The following BLACAT1 variants were observed in gnomAD, a reference collection of about 807,000 sequenced individuals.
BLACAT1 encodes BLACAT1 overlapping LEMD1 locus, also known as bladder cancer associated transcript 1.
chr1:205,453,426 C>A (rs953906437), intron 1 of BLACAT1, among the ~76,000 whole-genome samples: 1 of 152,166 alleles, frequency 6.6e-6, no homozygotes, highest in Non-Finnish European at 1.5e-5. Context: ...AGCTTGGGAG[C>A]CCCCAGCCCC....
rs1666434869 is a variant in BLACAT1 at position 205,448,155 on chromosome 1, G to A, written c.-36-7093C>T. The A allele has an allele frequency of 1.1e-5, 4 of 363,550 alleles. No homozygotes were observed. Among genetic ancestry groups the A allele is most frequent in the South Asian group, 7.0e-5 (3 of 42,566 alleles). 22.5% of individuals were successfully genotyped at this position (363,550 alleles called of 1,614,324 possible). A position where few individuals can be genotyped will look rare whatever the true frequency, so the allele number is the denominator to read the frequency against. ...GTGAGGAAACAGGGCCAGAAGGGAAGTGACTGGGCCAAGGTCACACGGCTT... is the reference window on the plus strand; with the variant it reads ...GTGAGGAAACAGGGCCAGAAGGGAAATGACTGGGCCAAGGTCACACGGCTT... On this transcript the variant is annotated intron_variant, in intron 1 of 1. Transcript: ENST00000629624. This position sits in a 1 kb window ranked among gnomAD's most constrained non-coding sequence, Gnocchi z 4.7.
chr1:205,445,229 C>A (rs990892773), intron 1 of BLACAT1, among the ~76,000 whole-genome samples: 5 of 152,188 alleles, frequency 3.3e-5, no homozygotes, highest in Non-Finnish European at 7.3e-5. Context: ...CCTCCTTCCC[C>A]ACCCCTTCCC....
chr1:205,447,811 G>A (rs376931389), intron 1 of BLACAT1, among the ~76,000 whole-genome samples: 2 of 152,106 alleles, frequency 1.3e-5, no homozygotes, highest in African/African-American at 2.4e-5. Context: ...CCTCGTGGCC[G>A]GCATGGAGTG....
chr1:205,438,068 G>A (rs1400809926), downstream of BLACAT1, among the ~76,000 whole-genome samples: 1 of 152,230 alleles, frequency 6.6e-6, no homozygotes, highest in Non-Finnish European at 1.5e-5. Context: ...CTTGGGTCCT[G>A]TGGGCCAGGG....
At chr1:205,447,229 T>C (rs147250254) in intron 1 of BLACAT1, among the ~76,000 whole-genome samples, 186 of 152,332 alleles carry the variant, frequency 1.2e-3, no homozygotes, top group African/African-American at 4.3e-3. Flanking sequence ...CTTAGCTCCC[T>C]GTGCCTCAGA....
chr1:205,436,566 T>C (rs1318718865), downstream of BLACAT1: 1 of 152,070 alleles, frequency 6.6e-6, no homozygotes, highest in African/African-American at 2.4e-5. Flanking sequence ...TTGTCAGCAA[T>C]ATGGACTTGG....
At chr1:205,451,100 G>A (rs1666491961) in intron 1 of BLACAT1, among the ~76,000 whole-genome samples, 1 of 152,146 alleles carries the variant, frequency 6.6e-6, no homozygotes, top group African/African-American at 2.4e-5. Context: ...GTGTATAAGG[G>A]CCACCTCACA....
chr1:205,455,065 C>A (rs1666546526), intron 1 of BLACAT1, among the ~76,000 whole-genome samples: 1 of 152,104 alleles, frequency 6.6e-6, no homozygotes, highest in South Asian at 2.1e-4. Context: ...AGCTCTTGTT[C>A]CCCGGGGGCA....
chr1:205,444,587 T>C (rs921555554), intron 1 of BLACAT1, among the ~76,000 whole-genome samples: 5 of 151,888 alleles, frequency 3.3e-5, no homozygotes, highest in African/African-American at 1.2e-4. Flanking sequence ...AGCATGAACA[T>C]GTGGAAGAAC....
chr1:205,440,945 C>G (rs1666283770), exon 2 of BLACAT1: 1 of 152,422 alleles, frequency 6.6e-6, no homozygotes, highest in African/African-American at 2.4e-5. Flanking sequence ...GTCTCCCGCT[C>G]TCTGTGAACT....
intron 1 of BLACAT1, among the ~76,000 whole-genome samples, chr1:205,453,963 T>C (rs1362959950): frequency 6.6e-6 from 1 of 152,200 alleles, no homozygotes; most frequent in African/African-American, 2.4e-5. Flanking sequence ...CCCCACCCCT[T>C]TTCTTCCATG....
At chr1:205,452,342 G>A (rs1666508750) in intron 1 of BLACAT1, among the ~76,000 whole-genome samples, 1 of 152,166 alleles carries the variant, frequency 6.6e-6, no homozygotes, top group Non-Finnish European at 1.5e-5. Flanking sequence ...AAGCCAGGAG[G>A]AGAACTCCTT....
At chr1:205,449,140 A>T (rs1666452547) in intron 1 of BLACAT1, among the ~76,000 whole-genome samples, 1 of 152,154 alleles carries the variant, frequency 6.6e-6, no homozygotes, top group Admixed American at 6.5e-5. Flanking sequence ...AGGGGTGCGC[A>T]GTGCCCTGCC....
intron 1 of BLACAT1, among the ~76,000 whole-genome samples, chr1:205,443,762 C>T (rs1666336493): frequency 6.6e-6 from 1 of 152,226 alleles, no homozygotes; most frequent in Admixed American, 6.5e-5. Flanking sequence ...TGGGCTCTGT[C>T]TGCAGCATGC....
intron 1 of BLACAT1, among the ~76,000 whole-genome samples, chr1:205,444,899 C>G (rs1383383116): frequency 6.6e-6 from 1 of 151,706 alleles, no homozygotes; most frequent in Admixed American, 6.6e-5. Flanking sequence ...CGCCACCCCC[C>G]ACCCCAGGTA....
intron 1 of BLACAT1, among the ~76,000 whole-genome samples, chr1:205,451,882 C>T (rs1255958207): frequency 6.6e-6 from 1 of 151,992 alleles, no homozygotes; most frequent in Non-Finnish European, 1.5e-5. Context: ...CTACAACTTG[C>T]CTGGATGGGC....
chr1:205,444,980 C>T (rs1460075123), intron 1 of BLACAT1, among the ~76,000 whole-genome samples: 6 of 151,964 alleles, frequency 3.9e-5, no homozygotes, highest in Admixed American at 2.0e-4. Flanking sequence ...CTGAGCCCTC[C>T]GCCCCCTCCC....
In BLACAT1 at chr1:205,448,504, C is replaced by A; in HGVS notation, c.-37+7413G>T. ...CCCGACCCCAGACCCACCCACACTG[C>A]CTCCCTCCAGGACTGGGCCCCCCAG... is the stretch of plus-strand genomic sequence containing the variant. On this transcript the variant is annotated intron_variant, in intron 1 of 1. Transcript: ENST00000629624. This position sits in a 1 kb window ranked among gnomAD's most constrained non-coding sequence, Gnocchi z 4.7. The A allele has an allele frequency of 2.2e-6, 1 of 447,456 alleles. No individual in the cohort carries two copies. The highest frequency in any genetic ancestry group is 4.5e-6 in the Non-Finnish European group (1 of 222,430). 27.7% of individuals were successfully genotyped at this position (447,456 alleles called of 1,614,324 possible). A position where few individuals can be genotyped will look rare whatever the true frequency, so the allele number is the denominator to read the frequency against.
At chr1:205,449,901 A>C (rs1244813838) in intron 1 of BLACAT1, 1 of 152,538 alleles carries the variant, frequency 6.6e-6, no homozygotes, top group Non-Finnish European at 1.5e-5. Flanking sequence ...TTTCCCTCGC[A>C]GTCCGCCTCA....
Sources: gnomAD v4.1 joint callset for allele counts (sites outside exome capture counted in the v4.1 genomes callset) on GRCh38, gnomAD v4.1.1 for gene constraint, Gnocchi (gnomAD v3.1) non-coding constraint, MANE v1.5 for transcripts, NCBI Gene and HGNC (gene_info 2026-07-23, HGNC 2026-07-21) for gene names.